CREBBP: variants seen among roughly 807,000 people sequenced by gnomAD.
CREBBP encodes CREB binding lysine acetyltransferase, also known as CREB-binding protein.
A neutral mutation model predicts 265.0 loss-of-function variants in CREBBP; 19 were observed. That is an observed-to-expected ratio of 0.07 (90% CI 0.05 to 0.11). The LOEUF (loss-of-function observed/expected upper bound fraction) is 0.11. CREBBP is among the 10% of genes least tolerant of loss of function. The probability of loss-of-function intolerance (pLI) is 1.00; values close to 1 mark genes in which losing one functional copy is unlikely to be tolerated. For missense variants in CREBBP, 2,525 were observed against 3,219.0 expected (o/e 0.78, Z 5.22); for synonymous variants, 1,457 against 1,223.7 (o/e 1.19, Z -3.98).
At chr16:3,781,069 A>T in intron 7 of CREBBP, 135 bp downstream of exon 7, 1 of 1,036,736 alleles carries the variant, frequency 9.6e-7, no homozygotes, top group Admixed American at 2.2e-5. Flanking sequence ...AAAGAAAAAA[A>T]GGAAAACAGC....
rs111408169 is a variant in CREBBP, at chr16:3,863,450, A to G, written c.86-12441T>C. Among the ~76,000 whole-genome samples, 326 of 152,222 alleles carry G rather than the reference A, an allele frequency of 2.1e-3. 1 individual carries two copies. Among genetic ancestry groups the G allele is most frequent in the Non-Finnish European group, 3.4e-3 (233 of 68,012 alleles). On this transcript the variant is annotated intron_variant, in intron 1 of 30. Coordinates refer to ENST00000262367, the MANE Select transcript of CREBBP (RefSeq NM_004380.3). ...AAACCTCATCTCTACTAAAAATACAAAAATTAGCTGAGCGTGGTGGTGGGT... is the reference window on the plus strand; with the variant it reads ...AAACCTCATCTCTACTAAAAATACAGAAATTAGCTGAGCGTGGTGGTGGGT...
At chr16:3,807,992 G>A (rs1292920334) in intron 3 of CREBBP, among the ~76,000 whole-genome samples, 1 of 152,122 alleles carries the variant, frequency 6.6e-6, no homozygotes. Context: ...AGTCCACAGG[G>A]GTTCTTGTGA....
rs528965559 is a variant in CREBBP, at chr16:3,791,958, T to C, written c.1330+23A>G. ...CAACTTCTATTCTCATCTCCAAGCT[T>C]CTCTGCCCCCGTGCTCACTTACTTT... is the stretch of plus-strand genomic sequence containing the variant. On this transcript the variant is annotated intron_variant, in intron 5 of 30. Coordinates refer to ENST00000262367, the MANE Select transcript of CREBBP (RefSeq NM_004380.3). 4.5e-6 allele frequency: 7 copies of C among 1,570,434 alleles called. No homozygotes were observed. In the South Asian group the frequency reaches 7.8e-5, roughly 17 times the overall value.
At chr16:3,831,548 A>C (rs1043213097) in intron 2 of CREBBP, among the ~76,000 whole-genome samples, 3 of 152,206 alleles carry the variant, frequency 2.0e-5, no homozygotes, top group Non-Finnish European at 4.4e-5. Context: ...TAAAGACAGA[A>C]ATAAATGACA....
chr16:3,830,828 C>T (rs558961763), intron 2 of CREBBP, among the ~76,000 whole-genome samples: 8 of 152,194 alleles, frequency 5.3e-5, no homozygotes, highest in Non-Finnish European at 7.3e-5. Flanking sequence ...CGTACCCAGG[C>T]TGAAGTGCAG....
At chr16:3,738,412 A>G (rs2052123471) in intron 26 of CREBBP, 147 bp downstream of exon 26, 2 of 651,564 alleles carry the variant, frequency 3.1e-6, no homozygotes, top group African/African-American at 1.8e-5. Context: ...GAGCACCTGG[A>G]AAGAGGAGCT....
At chr16:3,758,248 T>G (rs1370141205) in intron 17 of CREBBP, among the ~76,000 whole-genome samples, 200 bp from the exon 18 acceptor site, 1 of 152,158 alleles carries the variant, frequency 6.6e-6, no homozygotes, top group Admixed American at 6.5e-5. Flanking sequence ...ATTAGTATTT[T>G]CAGGTATGAT....
chr16:3,748,894 C>T (rs1221434383), intron 21 of CREBBP, among the ~76,000 whole-genome samples: 1 of 152,172 alleles, frequency 6.6e-6, no homozygotes, highest in Non-Finnish European at 1.5e-5. Flanking sequence ...GCCTGGAATC[C>T]CAGCACTTTG....
rs1395187563 is a variant in CREBBP at position 3,744,875 on chromosome 16, A to G, written c.3982+19T>C. 8 of 1,597,434 alleles carry G rather than the reference A, an allele frequency of 5.0e-6. No homozygotes were observed. The highest frequency in any genetic ancestry group is 1.7e-5 in the Admixed American group (1 of 59,978). The stretch of plus-strand genomic sequence containing the variant: ...CTAAAATGTGCAGTCCAGGAAACAG[A>G]AAGCTTCCCGAAACTTACTCTTAGC... On this transcript the variant is annotated intron_variant, in intron 23 of 30. Coordinates refer to ENST00000262367, the MANE Select transcript of CREBBP (RefSeq NM_004380.3).
chr16:3,851,138 A>AT (rs2054825245), intron 1 of CREBBP, 129 bp from the exon 2 acceptor site: 2 of 792,510 alleles, frequency 2.5e-6, no homozygotes, highest in African/African-American at 1.7e-5. Flanking sequence ...GAGTCATGTC[A>AT]TTAGCTGGGT....
intron 21 of CREBBP, among the ~76,000 whole-genome samples, chr16:3,748,282 GAA>G (rs370919351): frequency 7.1e-6 from 1 of 140,480 alleles, no homozygotes; most frequent in African/African-American, 2.6e-5. Context: ...GTCTCAGGGG[GAA>G]AAAAAAAAAG....
chr16:3,795,857 A>G (rs2053597758), intron 3 of CREBBP, among the ~76,000 whole-genome samples: 1 of 152,194 alleles, frequency 6.6e-6, no homozygotes, highest in South Asian at 2.1e-4. Flanking sequence ...GAAAAATGGA[A>G]AGGAAAGGAT....
At chr16:3,735,898 G>A (rs1245488827) in intron 28 of CREBBP, 138 bp downstream of exon 28, 2 of 1,347,604 alleles carry the variant, frequency 1.5e-6, no homozygotes, top group Admixed American at 3.6e-5. Flanking sequence ...GCCCTGTGCT[G>A]CAGGTGGTGT....
intron 2 of CREBBP, among the ~76,000 whole-genome samples, chr16:3,838,113 C>G (rs1444462871): frequency 6.6e-6 from 1 of 152,172 alleles, no homozygotes; most frequent in Non-Finnish European, 1.5e-5. Flanking sequence ...GGATTGCAGG[C>G]ATGGGACTGA....
rs1006613525 is a variant in CREBBP, at chr16:3,781,117, G to A, written c.1676+87C>T. ...CCACCCCATTTAAACTATTTTCTCT[G>A]CCACACATTTAGAAAGAATCAGTTT... On this transcript the variant is annotated intron_variant, in intron 7 of 30. Coordinates refer to ENST00000262367, the MANE Select transcript of CREBBP (RefSeq NM_004380.3). 5.4e-6 allele frequency: 7 copies of A among 1,302,870 alleles called. No individual in the cohort carries two copies. The African/African-American group carries it at 5.8e-5, about 11-fold the overall frequency. The allele number at this position is 1,302,870 out of a possible 1,614,324, so 80.7% of individuals were successfully genotyped here.
At chr16:3,870,788 A>G (rs930723883) in intron 1 of CREBBP, among the ~76,000 whole-genome samples, 4 of 152,144 alleles carry the variant, frequency 2.6e-5, no homozygotes, top group Non-Finnish European at 4.4e-5. Flanking sequence ...CAATTAAACA[A>G]TAAAAACAGC....
At chr16:3,768,136 G>GGTTTT (rs2052904875) in intron 15 of CREBBP, among the ~76,000 whole-genome samples, 1 of 51,590 alleles carries the variant, frequency 1.9e-5, no homozygotes, top group African/African-American at 6.7e-5. Flanking sequence ...ATTTAAAAGT[G>GGTTTT]TTTTTTTTTT....
rs138450074 is a variant in CREBBP, at chr16:3,744,268, C to T, written c.3982+626G>A. Among the ~76,000 whole-genome samples, 202 of 152,270 alleles carry T rather than the reference C, an allele frequency of 1.3e-3. 3 individuals are homozygous for T. In the East Asian group the frequency reaches 0.021, roughly 16 times the overall value. On this transcript the variant is annotated intron_variant, in intron 23 of 30. Coordinates refer to ENST00000262367, the MANE Select transcript of CREBBP (RefSeq NM_004380.3). ...GGCTCATACCCCACTGTAGCAGAAG[C>T]CAGCACCCACGGGACAGACCCACGG...
At chr16:3,864,411 G>A (rs886768085) in intron 1 of CREBBP, among the ~76,000 whole-genome samples, 1 of 152,170 alleles carries the variant, frequency 6.6e-6, no homozygotes, top group African/African-American at 2.4e-5. Context: ...TTGGGAAGCC[G>A]AGGCAGGGGG....
Sources: gnomAD v4.1 joint callset for allele counts (sites outside exome capture counted in the v4.1 genomes callset) on GRCh38, gnomAD v4.1.1 for gene constraint, MANE v1.5 for transcripts, NCBI Gene and HGNC (gene_info 2026-07-23, HGNC 2026-07-21) for gene names.